GULP1: variants seen among roughly 807,000 people sequenced by gnomAD.
GULP1 encodes the protein GULP PTB domain containing engulfment adaptor 1.
GULP1 carries 19 observed loss-of-function variants against 40.9 expected under a neutral mutation model. The ratio of observed to expected loss-of-function variants is 0.46; its 90% CI spans 0.32 to 0.68. The LOEUF (loss-of-function observed/expected upper bound fraction) is 0.68, where lower values mean the gene tolerates loss of function less well. Ranked by LOEUF, GULP1 falls within the 30% of genes least tolerant of loss-of-function variation. The probability of loss-of-function intolerance (pLI) is 0.03; values close to 1 mark genes in which losing one functional copy is unlikely to be tolerated. For missense variants in GULP1, 312 were observed against 362.2 expected (o/e 0.86, Z 1.12); for synonymous variants, 119 against 117.6 (o/e 1.01, Z -0.08).
intron 4 of GULP1, among the ~76,000 whole-genome samples, chr2:188,489,443 A>G (rs1052899656): frequency 1.3e-5 from 2 of 152,070 alleles, no homozygotes; most frequent in African/African-American, 4.8e-5. Flanking sequence ...ATTTCAAAGC[A>G]TAGGAACCAC....
chr2:188,534,995 G>T (rs1223964623), intron 6 of GULP1, among the ~76,000 whole-genome samples: 4 of 151,112 alleles, frequency 2.6e-5, no homozygotes, highest in Non-Finnish European at 5.9e-5. Context: ...CTATTATTAA[G>T]ACTTTAATAT....
At chr2:188,319,265 C>G (rs1177600527) in intron 1 of GULP1, among the ~76,000 whole-genome samples, 2 of 148,392 alleles carry the variant, frequency 1.3e-5, no homozygotes, top group Non-Finnish European at 3.0e-5. Context: ...ATAAAAGATT[C>G]AAACACAAGA....
At chr2:188,476,623 T>C (rs1014705047) in intron 2 of GULP1, among the ~76,000 whole-genome samples, 3 of 152,120 alleles carry the variant, frequency 2.0e-5, no homozygotes, top group Non-Finnish European at 4.4e-5. Flanking sequence ...TTCTAAAAAG[T>C]ATTTGTGTTA....
intron 1 of GULP1, among the ~76,000 whole-genome samples, chr2:188,362,336 T>C (rs1420730455): frequency 6.6e-6 from 1 of 152,156 alleles, no homozygotes; most frequent in Non-Finnish European, 1.5e-5. Flanking sequence ...GGAACCATTT[T>C]GAGTGTGTGT....
intron 2 of GULP1, among the ~76,000 whole-genome samples, chr2:188,403,769 G>C (rs1040845076): frequency 6.6e-6 from 1 of 152,164 alleles, no homozygotes; most frequent in East Asian, 1.9e-4. Context: ...TTTTGGAATA[G>C]CAGTGAGCCC....
intron 4 of GULP1, among the ~76,000 whole-genome samples, chr2:188,521,644 C>T (rs2065791344): frequency 6.6e-6 from 1 of 152,050 alleles, no homozygotes. Context: ...TGGGAAAGAC[C>T]CACTCTTGTG....
At chr2:188,325,217 T>C (rs2040582689) in intron 1 of GULP1, among the ~76,000 whole-genome samples, 1 of 152,056 alleles carries the variant, frequency 6.6e-6, no homozygotes, top group Non-Finnish European at 1.5e-5. Context: ...ATAGTCTAAT[T>C]TGGGAGAATC....
chr2:188,313,433 G>C (rs1435580375), intron 1 of GULP1, among the ~76,000 whole-genome samples: 2 of 152,046 alleles, frequency 1.3e-5, no homozygotes, highest in African/African-American at 2.4e-5. Context: ...TAGATTTGTG[G>C]GGTTATTTCT....
chr2:188,315,949 A>C (rs1377488506), intron 1 of GULP1, among the ~76,000 whole-genome samples: 1 of 152,122 alleles, frequency 6.6e-6, no homozygotes, highest in Non-Finnish European at 1.5e-5. Flanking sequence ...GCTATTGTTA[A>C]GTGAATGAAT....
rs550418079 is a variant in GULP1, at chr2:188,373,082, G to A, written c.-171-10681G>A. 5.7e-4 allele frequency among the ~76,000 whole-genome samples: 35 copies of A among 61,732 alleles called. 2 individuals carry two copies. Among genetic ancestry groups the A allele is most frequent in the South Asian group, 3.1e-3 (7 of 2,286 alleles). The allele number at this position is 61,732 out of a possible 152,430, so 40.5% of individuals were successfully genotyped here. Reference sequence around the variant, plus strand: ...GTTTTATGGAGCTGGGGAAGGGAATGATTATATATATATATATTTATAATG... The same window carrying A: ...GTTTTATGGAGCTGGGGAAGGGAATAATTATATATATATATATTTATAATG... On this transcript the variant is annotated intron_variant, in intron 1 of 11. Coordinates refer to ENST00000409830, the MANE Select transcript of GULP1 (RefSeq NM_016315.4).
At chr2:188,537,114 AATC>A (rs1689141819) in intron 6 of GULP1, among the ~76,000 whole-genome samples, 1 of 152,004 alleles carries the variant, frequency 6.6e-6, no homozygotes, top group South Asian at 2.1e-4. Flanking sequence ...CTAGGTAGAT[AATC>A]ATATTGTCAG....
At chr2:188,461,708 A>G (rs1262907116) in intron 2 of GULP1, among the ~76,000 whole-genome samples, 1 of 151,928 alleles carries the variant, frequency 6.6e-6, no homozygotes, top group Non-Finnish European at 1.5e-5. Context: ...TGTGTCTAGG[A>G]ATTTGTCCAT....
intron 1 of GULP1, among the ~76,000 whole-genome samples, chr2:188,366,137 A>C (rs768884048): frequency 2.0e-5 from 3 of 152,098 alleles, no homozygotes; most frequent in Non-Finnish European, 4.4e-5. Context: ...ACAGCATAGG[A>C]GAAGGGGGTA....
chr2:188,305,353 A>G (rs1229325261), intron 1 of GULP1, among the ~76,000 whole-genome samples: 1 of 152,184 alleles, frequency 6.6e-6, no homozygotes, highest in Non-Finnish European at 1.5e-5. Context: ...TTCATTATAT[A>G]GGCATGATTG....
chr2:188,557,942 A>G (rs1454234151), intron 7 of GULP1, among the ~76,000 whole-genome samples: 3 of 152,186 alleles, frequency 2.0e-5, no homozygotes, highest in African/African-American at 7.2e-5. Flanking sequence ...GAAGCTGTTC[A>G]GGGCAGTGGG....
At chr2:188,337,124 ATC>A (rs2042374162) in intron 1 of GULP1, among the ~76,000 whole-genome samples, 3 of 149,136 alleles carry the variant, frequency 2.0e-5, no homozygotes, top group Admixed American at 6.7e-5. Flanking sequence ...CTATATCTAT[ATC>A]TATATCTATA....
chr2:188,570,092 T>C lies in GULP1; in HGVS notation c.581T>C (p.Leu194Pro). ...AAAGTACAAGATTTGGAAAACCAAC[T>C]GAGAATAACTCAAGTATCAGCACCT... ...KNKVQDLENQLRITQVSAPPA... is the reference protein window; with the variant it reads ...KNKVQDLENQPRITQVSAPPA... Residue 194 changes from leucine to proline, a missense_variant, in exon 9 of 12, where the codon CTG (leucine) becomes CCG (proline). Transcript: ENST00000409830. 2 of 1,464,340 alleles carry C rather than the reference T, an allele frequency of 1.4e-6. No homozygotes were observed. Among genetic ancestry groups the C allele is most frequent in the Non-Finnish European group, 1.9e-6 (2 of 1,056,856 alleles). 90.7% of individuals were successfully genotyped at this position (1,464,340 alleles called of 1,614,324 possible). A position where few individuals can be genotyped will look rare whatever the true frequency, so the allele number is the denominator to read the frequency against.
At chr2:188,476,723 C>T (rs1280981699) in intron 2 of GULP1, among the ~76,000 whole-genome samples, 1 of 152,028 alleles carries the variant, frequency 6.6e-6, no homozygotes, top group Non-Finnish European at 1.5e-5. Context: ...TATTCTGTTG[C>T]TAGAGCAGCA....
At chr2:188,361,894 A>G (rs943020951) in intron 1 of GULP1, among the ~76,000 whole-genome samples, 1 of 152,090 alleles carries the variant, frequency 6.6e-6, no homozygotes, top group African/African-American at 2.4e-5. Context: ...TTTGAACAAA[A>G]TCTTGTTTCC....
Sources: allele counts gnomAD v4.1 joint callset (sites outside exome capture counted in the v4.1 genomes callset), GRCh38; gene constraint gnomAD v4.1.1; transcripts MANE v1.5; gene names NCBI Gene and HGNC (gene_info 2026-07-23, HGNC 2026-07-21).